The following BRI3 variants were observed in gnomAD, a reference collection of about 807,000 sequenced individuals.
BRI3 encodes membrane protein BRI3.
BRI3 carries 6 observed loss-of-function variants against 12.8 expected under a neutral mutation model. The ratio of observed to expected loss-of-function variants is 0.47; its 90% confidence interval spans 0.26 to 0.93. The LOEUF (loss-of-function observed/expected upper bound fraction) is 0.93. Among genes scored for constraint, BRI3 ranks in the 40% least tolerant of loss-of-function variants. The pLI, the probability that BRI3 is intolerant of heterozygous loss-of-function variation, is 0.15. For missense variants in BRI3, 134 were observed against 171.1 expected, an observed-to-expected ratio of 0.78 and a Z score of 1.21; for synonymous variants, 91 against 76.1, an observed-to-expected ratio of 1.20 and a Z score of -1.02.
chr7:98,299,998 G>A (rs1230419308), intron 1 of BRI3, among the ~76,000 whole-genome samples: 2 of 152,130 alleles, frequency 1.3e-5, no homozygotes, highest in Non-Finnish European at 2.9e-5. Context: ...CCAAGATCAT[G>A]CCACTGCACT....
chr7:98,320,287 T>C, the BRI3 span: 1 of 1,606,586 alleles, frequency 6.2e-7, no homozygotes, highest in South Asian at 1.1e-5. Context: ...GAAATCTCTA[T>C]GAGGACATGT....
At chr7:98,309,064 T>C (rs1412075614) in exon 2 of BRI3, 1 of 152,196 alleles carries the variant, frequency 6.6e-6, no homozygotes, top group Admixed American at 6.5e-5. Flanking sequence ...CTTTCTGCTT[T>C]ATTCTTGCAG....
chr7:98,281,957 TC>T lies in BRI3; in HGVS notation c.142+24del. 7.8e-7 allele frequency: 1 copy of T among 1,289,460 alleles called. No individual in the cohort carries two copies. Among genetic ancestry groups the T allele is most frequent in the Non-Finnish European group, 9.8e-7 (1 of 1,020,074 alleles). The allele number at this position is 1,289,460 out of a possible 1,614,324, so 79.9% of individuals were successfully genotyped here. Reference sequence around the variant, plus strand: ...TCACAGGTGGGCCCGTAACCAACTTTCCCCGCCGGCGGCTTCCGAGGTGGCA... The same window carrying T: ...TCACAGGTGGGCCCGTAACCAACTTTCCCGCCGGCGGCTTCCGAGGTGGCA... On this transcript the variant is annotated intron_variant, in intron 1 of 2. Transcript: ENST00000297290.
the BRI3 span, chr7:98,315,634 T>G: frequency 9.3e-7 from 1 of 1,076,450 alleles, no homozygotes; most frequent in Non-Finnish European, 1.2e-6. Context: ...AAAATAATAA[T>G]AATAATAATT....
chr7:98,297,495 G>C (rs1800240975), downstream of BRI3, among the ~76,000 whole-genome samples: 1 of 152,186 alleles, frequency 6.6e-6, no homozygotes, highest in African/African-American at 2.4e-5. Flanking sequence ...TGAGCAGAAT[G>C]GAACAGCCCT....
chr7:98,300,598 A>G (rs1340927835), intron 1 of BRI3, among the ~76,000 whole-genome samples: 1 of 152,128 alleles, frequency 6.6e-6, no homozygotes, highest in African/African-American at 2.4e-5. Context: ...AGCGGCTGCC[A>G]TTCTTCTGTG....
intron 1 of BRI3, among the ~76,000 whole-genome samples, chr7:98,300,873 T>C (rs1328983319): frequency 6.6e-6 from 1 of 152,152 alleles, no homozygotes; most frequent in African/African-American, 2.4e-5. Context: ...CCAGGCCTTG[T>C]GTTTTTGCCG....
chr7:98,311,097 T>C (rs545988933), downstream of BRI3, among the ~76,000 whole-genome samples: 14 of 152,244 alleles, frequency 9.2e-5, no homozygotes, highest in Non-Finnish European at 1.8e-4. Context: ...ACTACAAATG[T>C]GTGAATTCAT....
chr7:98,293,708 C>A (rs1334878811), downstream of BRI3: 3 of 1,038,634 alleles, frequency 2.9e-6, no homozygotes, highest in East Asian at 2.4e-5. Flanking sequence ...TGACCACCTC[C>A]CCAGCTTGTA....
downstream of BRI3, among the ~76,000 whole-genome samples, chr7:98,311,884 C>T (rs565961200): frequency 6.6e-5 from 10 of 152,118 alleles, no homozygotes; most frequent in South Asian, 6.2e-4. Context: ...CCAGCCTGGG[C>T]GACAGAGCAA....
chr7:98,319,074 C>T, the BRI3 span, among the ~76,000 whole-genome samples: 3 of 152,100 alleles, frequency 2.0e-5, no homozygotes, highest in South Asian at 2.1e-4. Context: ...GGCCTCCTGC[C>T]GGGAGGGTGC....
downstream of BRI3, chr7:98,292,895 A>G (rs970907761): frequency 2.9e-5 from 41 of 1,425,914 alleles, no homozygotes; most frequent in Non-Finnish European, 3.4e-5. Context: ...GTCGAGTGCT[A>G]CGTGTGGCTG....
chr7:98,304,685 T>C (rs1397041246), upstream of BRI3, among the ~76,000 whole-genome samples: 1 of 152,050 alleles, frequency 6.6e-6, no homozygotes, highest in Non-Finnish European at 1.5e-5. Context: ...GTAGCTGGGA[T>C]TACAGGTGCA....
At chr7:98,302,185 CATTT>C (rs1800457746), upstream of BRI3, among the ~76,000 whole-genome samples, 1 of 152,206 alleles carries the variant, frequency 6.6e-6, no homozygotes, top group Admixed American at 6.5e-5. Flanking sequence ...AGGCTTCTTC[CATTT>C]ATCCAATTCC....
chr7:98,291,174 C>T lies in BRI3; in HGVS notation c.309C>T (p.Pro103=). ...LGIFLAIILF[P]FGFICCFALR... ...TCTTCCTGGCCATCATCCTCTTCCC[C>T]TTTGGGTTCATTTGCTGTTTTGCCT... is the stretch of plus-strand genomic sequence containing the variant. Residue 103 remains proline, a synonymous_variant, in exon 3 of 3, where the codon CCC becomes CCT. Coordinates refer to ENST00000297290, the MANE Select transcript of BRI3 (RefSeq NM_015379.5). The T allele has an allele frequency of 1.2e-6, 2 of 1,614,218 alleles. No homozygotes were observed. The highest frequency in any genetic ancestry group is 1.7e-6 in the Non-Finnish European group (2 of 1,180,054).
At chr7:98,301,475 G>GTTTTTTTT (rs1554409905) in intron 1 of BRI3, among the ~76,000 whole-genome samples, 1 of 142,298 alleles carries the variant, frequency 7.0e-6, no homozygotes. Context: ...TTTTTTTTTG[G>GTTTTTTTT]TATATATATA....
At chr7:98,289,818 C>T (rs527318143) in intron 2 of BRI3, among the ~76,000 whole-genome samples, 1 of 152,364 alleles carries the variant, frequency 6.6e-6, no homozygotes, top group South Asian at 2.1e-4. Flanking sequence ...CACTAGGCTT[C>T]TGGCTTCCTA....
chr7:98,321,684 C>T, the BRI3 span, among the ~76,000 whole-genome samples: 9 of 152,158 alleles, frequency 5.9e-5, no homozygotes, highest in Non-Finnish European at 1.3e-4. Flanking sequence ...GGGTCTGACA[C>T]CTAAGAAATG....
At chr7:98,305,040 G>GTTTTT (rs1386050479), upstream of BRI3, among the ~76,000 whole-genome samples, 3 of 87,150 alleles carry the variant, frequency 3.4e-5, no homozygotes, top group South Asian at 4.4e-4. Flanking sequence ...TAATTTTTTT[G>GTTTTT]TTTTTTGTTT....
Sources: gnomAD v4.1 joint callset for allele counts (sites outside exome capture counted in the v4.1 genomes callset) on GRCh38, gnomAD v4.1.1 for gene constraint, MANE v1.5 for transcripts, NCBI Gene and HGNC (gene_info 2026-07-23, HGNC 2026-07-21) for gene names.